CPQ: variants seen among roughly 807,000 people sequenced by gnomAD.
CPQ encodes the protein carboxypeptidase Q, also known as Ser-Met dipeptidase.
In CPQ, 37 loss-of-function variants were observed where a neutral mutation model predicts 45.7. The ratio of observed to expected loss-of-function variants is 0.81; its 90% CI spans 0.62 to 1.07. CPQ has a LOEUF of 1.07. Among genes scored for constraint, CPQ ranks in the 50% least tolerant of loss-of-function variants. CPQ has a pLI of 0.00. For synonymous variants in CPQ, 186 were observed against 205.8 expected (o/e 0.90, Z 0.82); for missense variants, 537 against 572.9 (o/e 0.94, Z 0.64).
chr8:97,068,989 T>C (rs1047391493), intron 7 of CPQ, among the ~76,000 whole-genome samples: 8 of 152,202 alleles, frequency 5.3e-5, no homozygotes, highest in Non-Finnish European at 8.8e-5. Flanking sequence ...ACTCAGCTCT[T>C]GCTTATGCAA....
At chr8:96,772,365 A>G (rs1411020600) in intron 1 of CPQ, among the ~76,000 whole-genome samples, 1 of 152,142 alleles carries the variant, frequency 6.6e-6, no homozygotes, top group African/African-American at 2.4e-5. Flanking sequence ...TGGAAGTGCC[A>G]TGCACCAAGA....
At chr8:97,058,391 G>A (rs978349384) in intron 6 of CPQ, among the ~76,000 whole-genome samples, 34 of 152,076 alleles carry the variant, frequency 2.2e-4, no homozygotes, top group African/African-American at 8.2e-4. Flanking sequence ...GACATTAGAG[G>A]TCAACCAGAA....
At chr8:96,943,091 A>C (rs1813145049) in intron 4 of CPQ, among the ~76,000 whole-genome samples, 1 of 152,160 alleles carries the variant, frequency 6.6e-6, no homozygotes, top group Non-Finnish European at 1.5e-5. Flanking sequence ...TGAACGATAG[A>C]AAGCTGGAGT....
In CPQ at chr8:96,966,057, A is replaced by C; in HGVS notation, c.961+11A>C. 6.3e-7 allele frequency: 1 copy of C among 1,585,430 alleles called. No individual in the cohort carries two copies. Among genetic ancestry groups the C allele is most frequent in the Non-Finnish European group, 8.6e-7 (1 of 1,156,374 alleles). On this transcript the variant is annotated intron_variant, in intron 5 of 7. Transcript: ENST00000220763. The stretch of plus-strand genomic sequence containing the variant: ...TTATTAAAGATCTTGGTAAATATTT[A>C]GAAAATTGTTAACTAATGTGTGAGG...
At chr8:96,691,227 T>G (rs1233370785) in intron 1 of CPQ, among the ~76,000 whole-genome samples, 2 of 152,188 alleles carry the variant, frequency 1.3e-5, no homozygotes, top group Non-Finnish European at 2.9e-5. Flanking sequence ...TCCAGATGTT[T>G]CTTGGCTTGT....
chr8:96,878,690 A>G (rs1280591845), intron 3 of CPQ, among the ~76,000 whole-genome samples: 1 of 152,244 alleles, frequency 6.6e-6, no homozygotes, highest in South Asian at 2.1e-4. Flanking sequence ...ATAAGAATGC[A>G]TCATTGTGTT....
intron 4 of CPQ, among the ~76,000 whole-genome samples, chr8:96,939,901 C>A (rs987905040): frequency 6.6e-6 from 1 of 152,122 alleles, no homozygotes; most frequent in African/African-American, 2.4e-5. Flanking sequence ...AAATTGTTTT[C>A]AATGGGATTA....
At position 96,742,493 on chromosome 8, in the gene CPQ, T is replaced by A. The variant is rs540087920; in HGVS notation, c.-34-42371T>A. Among the ~76,000 whole-genome samples, 13 of 152,302 alleles carry A rather than the reference T, an allele frequency of 8.5e-5. 1 individual carries two copies. In the South Asian group the frequency reaches 2.7e-3, roughly 32 times the overall value. On this transcript the variant is annotated intron_variant, in intron 1 of 7. Coordinates refer to ENST00000220763, the MANE Select transcript of CPQ (RefSeq NM_016134.4). ...CATTTACATTTAAAGTTAATATTGT[T>A]ATGTGTGAGTTTGATCCTGTCATTA...
intron 7 of CPQ, among the ~76,000 whole-genome samples, chr8:97,101,577 T>C (rs1193382129): frequency 6.9e-6 from 1 of 144,308 alleles, no homozygotes; most frequent in African/African-American, 2.5e-5. Context: ...TTTTTCTTTT[T>C]TTTTTTTTTT....
intron 6 of CPQ, among the ~76,000 whole-genome samples, chr8:97,038,473 AC>A (rs2130483589): frequency 6.6e-6 from 1 of 152,306 alleles, no homozygotes; most frequent in East Asian, 1.9e-4. Flanking sequence ...AAGTTGGCAC[AC>A]CAGGATGCAC....
At chr8:96,649,178 T>C (rs944602662) in intron 1 of CPQ, among the ~76,000 whole-genome samples, 1 of 152,200 alleles carries the variant, frequency 6.6e-6, no homozygotes, top group Non-Finnish European at 1.5e-5. Flanking sequence ...GACTTTGCCA[T>C]GTGGGCCAGG....
At chr8:96,869,884 G>C (rs763571752) in intron 3 of CPQ, among the ~76,000 whole-genome samples, 4 of 152,010 alleles carry the variant, frequency 2.6e-5, no homozygotes, top group Non-Finnish European at 5.9e-5. Context: ...TATAATGAAA[G>C]AAAGTTGGTG....
At chr8:96,650,524 C>A (rs1815565819) in intron 1 of CPQ, among the ~76,000 whole-genome samples, 1 of 152,186 alleles carries the variant, frequency 6.6e-6, no homozygotes, top group Non-Finnish European at 1.5e-5. Context: ...CAGTTTGTTT[C>A]ATGGCTCAGA....
chr8:96,825,974 G>T (rs1214134706), intron 2 of CPQ, among the ~76,000 whole-genome samples: 1 of 152,042 alleles, frequency 6.6e-6, no homozygotes, highest in Non-Finnish European at 1.5e-5. Context: ...AATTTAGAAA[G>T]CAAATACATT....
rs143217701 is a variant in CPQ, at chr8:97,073,229, T to C, written c.1255+7019T>C. ...TTTCTGCCCAATACCTCATATGGCA[T>C]TAAGAAGAACTAAATTAAAACTTTC... On this transcript the variant is annotated intron_variant, in intron 7 of 7. Coordinates refer to ENST00000220763, the MANE Select transcript of CPQ (RefSeq NM_016134.4). Among the ~76,000 whole-genome samples, 983 of 152,340 alleles carry C rather than the reference T, an allele frequency of 6.5e-3. 4 individuals carry two copies. The highest frequency in any genetic ancestry group is 0.022 in the African/African-American group (906 of 41,584).
rs1327660655 is a variant in CPQ, at chr8:96,965,948, GTGGACATC to G, written c.870_877del (p.His290GlnfsTer11). ...TATTTGTTCTAGGTTGTACTGGTCAGTGGACATCTGGACAGCTGGGATGTTGGGCAGGG... is the reference window on the plus strand; with the variant it reads ...TATTTGTTCTAGGTTGTACTGGTCAGTGGACAGCTGGGATGTTGGGCAGGG... On this transcript the variant is annotated frameshift_variant, in exon 5 of 8. Coordinates refer to ENST00000220763, the MANE Select transcript of CPQ (RefSeq NM_016134.4). LOFTEE classifies it high-confidence loss of function. 1 of 1,612,684 alleles carries G rather than the reference GTGGACATC, an allele frequency of 6.2e-7. No individual in the cohort carries two copies. The highest frequency in any genetic ancestry group is 1.7e-5 in the Admixed American group (1 of 59,622).
At chr8:96,800,423 T>G (rs530439909) in intron 2 of CPQ, among the ~76,000 whole-genome samples, 2 of 152,310 alleles carry the variant, frequency 1.3e-5, no homozygotes, top group South Asian at 4.1e-4. Context: ...GAGAACAATC[T>G]CTAGCCAAAT....
intron 1 of CPQ, among the ~76,000 whole-genome samples, chr8:96,656,044 G>A (rs1247237321): frequency 1.3e-5 from 2 of 152,068 alleles, no homozygotes; most frequent in East Asian, 1.9e-4. Flanking sequence ...TTGTAGAGAG[G>A]GGTTTCACCA....
chr8:96,732,838 T>C lies in CPQ; in HGVS notation c.-34-52026T>C, dbSNP rs542369440. ...TGGCTCTGAGGTAATCAGAGTTCAC[T>C]TGTCCACAACTTGCCATTGAAAGGC... On this transcript the variant is annotated intron_variant, in intron 1 of 7. Transcript: ENST00000220763. 3.7e-4 allele frequency among the ~76,000 whole-genome samples: 57 copies of C among 152,342 alleles called. No homozygotes were observed. In the South Asian group the frequency reaches 0.012, roughly 31 times the overall value.
Sources: allele counts gnomAD v4.1 joint callset (sites outside exome capture counted in the v4.1 genomes callset), GRCh38; gene constraint gnomAD v4.1.1; transcripts MANE v1.5; gene names NCBI Gene and HGNC (gene_info 2026-07-23, HGNC 2026-07-21).